The following ATF2 variants were observed in gnomAD, a reference collection of about 807,000 sequenced individuals.
ATF2 encodes activating transcription factor 2.
In ATF2, 24 loss-of-function variants were observed where a neutral mutation model predicts 60.6. That is an observed-to-expected ratio of 0.40 (90% CI 0.29 to 0.56). ATF2 has a LOEUF of 0.56. ATF2 is among the 20% of genes least tolerant of loss of function. The pLI, the probability that ATF2 is intolerant of heterozygous loss-of-function variation, is 0.54. For synonymous variants in ATF2, 206 were observed against 215.4 expected, an observed-to-expected ratio of 0.96 and a Z score of 0.38; for missense variants, 433 against 607.7, an observed-to-expected ratio of 0.71 and a Z score of 3.02.
At chr2:175,102,083 A>T (rs1170158878) in intron 10 of ATF2, among the ~76,000 whole-genome samples, 1 of 152,180 alleles carries the variant, frequency 6.6e-6, no homozygotes, top group Non-Finnish European at 1.5e-5. Context: ...TTTAAAAAAA[A>T]AATCAATGAA....
chr2:175,151,500 G>C (rs1299608035), intron 1 of ATF2, among the ~76,000 whole-genome samples: 1 of 152,136 alleles, frequency 6.6e-6, no homozygotes, highest in African/African-American at 2.4e-5. Context: ...GATAACAGGT[G>C]AAATGTCAGT....
intron 7 of ATF2, among the ~76,000 whole-genome samples, chr2:175,116,877 CA>C (rs1696611235): frequency 1.3e-5 from 2 of 151,476 alleles, no homozygotes; most frequent in Non-Finnish European, 1.5e-5. Flanking sequence ...CCTTTATGTC[CA>C]AAAAGAACAG....
intron 10 of ATF2, among the ~76,000 whole-genome samples, chr2:175,104,168 A>T (rs1695487940): frequency 6.6e-6 from 1 of 152,164 alleles, no homozygotes; most frequent in Admixed American, 6.5e-5. Context: ...GAGAATTACA[A>T]AAACATCCTA....
intron 12 of ATF2, among the ~76,000 whole-genome samples, chr2:175,085,553 TAC>T (rs56804408): frequency 0.089 from 12,548 of 141,166 alleles, 595 homozygotes; most frequent in East Asian, 0.17. Flanking sequence ...ATACATAACA[TAC>T]ACACACACAC....
chr2:175,074,796 G>C lies in ATF2; in HGVS notation c.1331C>G (p.Pro444Arg). 2 of 1,613,434 alleles carry C rather than the reference G, an allele frequency of 1.2e-6. No homozygotes were observed. The highest frequency in any genetic ancestry group is 1.7e-6 in the Non-Finnish European group (2 of 1,179,608). The change falls in exon 14 of 14, where the codon CCG becomes CGG. Residue 444 changes from proline to arginine, a missense_variant. Transcript: ENST00000264110. ...TATAGCTTCTGTATGTGGACTACTC[G>C]GCACTGAAATGTCTTCTGAACTATC... ...KDDSSEDISV[P>R]SSPHTEAIQH...
At chr2:175,087,432 G>T (rs1694245536) in intron 12 of ATF2, among the ~76,000 whole-genome samples, 1 of 152,094 alleles carries the variant, frequency 6.6e-6, no homozygotes, top group African/African-American at 2.4e-5. Flanking sequence ...CTACTCAAAG[G>T]TTAATTACAT....
intron 1 of ATF2, among the ~76,000 whole-genome samples, chr2:175,155,257 T>C (rs766401253): frequency 1.2e-4 from 18 of 152,192 alleles, no homozygotes; most frequent in Non-Finnish European, 2.5e-4. Flanking sequence ...TCCCAAATCT[T>C]ATTAGAATGA....
intron 1 of ATF2, among the ~76,000 whole-genome samples, chr2:175,154,250 T>A (rs1699520801): frequency 6.7e-6 from 1 of 149,446 alleles, no homozygotes; most frequent in Non-Finnish European, 1.5e-5. Flanking sequence ...TATATATATA[T>A]ATTTTTTACT....
intron 11 of ATF2, among the ~76,000 whole-genome samples, chr2:175,097,233 T>C (rs911409328): frequency 6.6e-6 from 1 of 152,206 alleles, no homozygotes; most frequent in African/African-American, 2.4e-5. Flanking sequence ...CCCACAGAAA[T>C]ATTTGCAGGT....
Position 175,072,925 on chromosome 2 carries a change from G to T in ATF2, c.*1684C>A, listed in dbSNP as rs1328807850. ...CCCAGTTTGGAACTTAGGCAGGAGG[G>T]ATATTTCCTTGAATTATCAAGGATA... On this transcript the variant is annotated 3_prime_UTR_variant, in exon 14 of 14. Transcript: ENST00000264110. 1.3e-5 allele frequency: 2 copies of T among 152,040 alleles called. No homozygotes were observed. The highest frequency in any genetic ancestry group is 2.9e-5 in the Non-Finnish European group (2 of 68,000). The allele number at this position is 152,040 out of a possible 1,614,324, so 9.4% of individuals were successfully genotyped here. A position where few individuals can be genotyped will look rare whatever the true frequency, so the allele number is the denominator to read the frequency against.
At chr2:175,135,867 T>A (rs1254236560) in intron 3 of ATF2, among the ~76,000 whole-genome samples, 2 of 152,204 alleles carry the variant, frequency 1.3e-5, no homozygotes, top group Non-Finnish European at 2.9e-5. Flanking sequence ...TCTGTAACAC[T>A]GTTTCTTTTT....
At chr2:175,127,447 A>C (rs996121723) in intron 4 of ATF2, among the ~76,000 whole-genome samples, 1 of 152,130 alleles carries the variant, frequency 6.6e-6, no homozygotes, top group African/African-American at 2.4e-5. Flanking sequence ...TCCACTGTTA[A>C]CACCTAATTC....
chr2:175,141,635 G>T (rs1269250691), intron 2 of ATF2, among the ~76,000 whole-genome samples: 1 of 151,942 alleles, frequency 6.6e-6, no homozygotes, highest in Non-Finnish European at 1.5e-5. Context: ...TGGGACTACA[G>T]GAGCCCGCCA....
In ATF2 at chr2:175,128,598, G is replaced by C. The variant is rs370096353; in HGVS notation, c.102+1540C>G. ...AATCTAAATGAAACAGTAAGTTTTA[G>C]AGGAAAACAAAGGAGAATACCTTCA... On this transcript the variant is annotated intron_variant, in intron 4 of 13. Transcript: ENST00000264110. Among the ~76,000 whole-genome samples the C allele has an allele frequency of 3.3e-5, 5 of 151,846 alleles. No homozygotes were observed. In the East Asian group the frequency reaches 5.8e-4, roughly 18 times the overall value.
intron 3 of ATF2, among the ~76,000 whole-genome samples, chr2:175,130,998 T>C (rs1323578714): frequency 1.3e-5 from 2 of 152,168 alleles, no homozygotes; most frequent in African/African-American, 4.8e-5. Context: ...AGATTTGATA[T>C]ATCTCATTTT....
chr2:175,119,971 A>G lies in ATF2; in HGVS notation c.199+1473T>C, dbSNP rs150889535. ...TATGGCTACTGATCACCAAAAATAT[A>G]CCACACACATCATGCATTTTATTTG... On this transcript the variant is annotated intron_variant, in intron 5 of 13. Coordinates refer to ENST00000264110, the MANE Select transcript of ATF2 (RefSeq NM_001880.4). 4.4e-3 allele frequency among the ~76,000 whole-genome samples: 663 copies of G among 151,768 alleles called. 13 individuals carry two copies. Among genetic ancestry groups the G allele is most frequent in the Admixed American group, 0.041 (621 of 15,230 alleles).
At chr2:175,129,964 A>G (rs1326755507) in intron 4 of ATF2, among the ~76,000 whole-genome samples, 174 bp downstream of exon 4, 2 of 151,994 alleles carry the variant, frequency 1.3e-5, no homozygotes, top group African/African-American at 4.8e-5. Flanking sequence ...GCTCAGTTGC[A>G]CTATTGAAGA....
chr2:175,087,565 G>T (rs953290903), intron 12 of ATF2, among the ~76,000 whole-genome samples: 6 of 152,010 alleles, frequency 3.9e-5, no homozygotes. Context: ...TGAATATCAG[G>T]TATTCCCTAA....
At chr2:175,152,193 G>C (rs1699355723) in intron 1 of ATF2, among the ~76,000 whole-genome samples, 3 of 152,106 alleles carry the variant, frequency 2.0e-5, no homozygotes, top group Non-Finnish European at 4.4e-5. Flanking sequence ...GAGATGGCTT[G>C]GCAAACTACT....
Sources: allele counts gnomAD v4.1 joint callset (sites outside exome capture counted in the v4.1 genomes callset), GRCh38; gene constraint gnomAD v4.1.1; transcripts MANE v1.5; gene names NCBI Gene and HGNC (gene_info 2026-07-23, HGNC 2026-07-21).